Variants in CD46 observed in about 807,000 individuals in gnomAD.
CD46 encodes the protein membrane cofactor protein.
CD46 carries 30 observed loss-of-function variants against 53.3 expected under a neutral mutation model. The observed-to-expected ratio is 0.56, with a 90% CI of 0.42 to 0.76. The LOEUF is 0.76. CD46 is among the 30% of genes least tolerant of loss of function. CD46 has a pLI of 0.00. For missense variants in CD46, 409 were observed against 463.0 expected, an observed-to-expected ratio of 0.88 and a Z score of 1.07; for synonymous variants, 142 against 152.0, an observed-to-expected ratio of 0.93 and a Z score of 0.48.
intron 11 of CD46, among the ~76,000 whole-genome samples, chr1:207,788,209 T>G (rs2102701099): frequency 6.6e-6 from 1 of 152,208 alleles, no homozygotes; most frequent in South Asian, 2.1e-4. Context: ...CTTACCTTCT[T>G]TAACTCTTAA....
chr1:207,773,166 A>C (rs184193381), intron 8 of CD46, among the ~76,000 whole-genome samples: 3 of 152,022 alleles, frequency 2.0e-5, no homozygotes, highest in African/African-American at 7.2e-5. Context: ...TTGCTTCTAG[A>C]TTTTCTAGCT....
chr1:207,785,218 A>G (rs1659164171), intron 10 of CD46, 112 bp downstream of exon 10: 1 of 847,730 alleles, frequency 1.2e-6, no homozygotes, highest in Non-Finnish European at 1.9e-6. Context: ...AATTGGTTAA[A>G]CCGATTTAGG....
intron 5 of CD46, among the ~76,000 whole-genome samples, chr1:207,761,734 A>G (rs1222305392): frequency 1.3e-5 from 2 of 151,938 alleles, no homozygotes; most frequent in East Asian, 3.9e-4. Flanking sequence ...AAAAAAATAC[A>G]CACTGGCTTA....
chr1:207,767,096 A>G lies in CD46; in HGVS notation c.757A>G (p.Met253Val). The change falls in exon 6 of 13, where the codon ATG (methionine) becomes GTG (valine). Residue 253 changes from methionine to valine, a missense_variant. By Grantham distance (21) the Met-to-Val change is conservative. Transcript: ENST00000367042. ...GKKFYYKATV[M>V]FECDKGFYLD... ...AAAATTTTACTACAAAGCAACAGTT[A>G]TGTTTGAATGCGATAAGGGTTTTTA... The G allele has an allele frequency of 1.2e-6, 2 of 1,613,744 alleles. No individual in the cohort carries two copies. The highest frequency in any genetic ancestry group is 2.2e-5 in the South Asian group (2 of 91,078).
At chr1:207,773,815 T>C (rs1657784948) in intron 8 of CD46, among the ~76,000 whole-genome samples, 1 of 152,208 alleles carries the variant, frequency 6.6e-6, no homozygotes. Context: ...ATGTGGTCAA[T>C]TTTAGAATAA....
chr1:207,759,079 C>T (rs1655890129), intron 3 of CD46, among the ~76,000 whole-genome samples: 1 of 152,132 alleles, frequency 6.6e-6, no homozygotes, highest in Admixed American at 6.5e-5. Context: ...ACACTCTGTT[C>T]TAAATAATAT....
In CD46 at chr1:207,757,167, A is replaced by C. The variant is rs1047780483; in HGVS notation, c.251A>C (p.His84Pro). 1 of 1,613,834 alleles carries C rather than the reference A, an allele frequency of 6.2e-7. No homozygotes were observed. The highest frequency in any genetic ancestry group is 1.3e-5 in the African/African-American group (1 of 74,928). ...LATHTICDRN[H>P]TWLPVSDDAC... The stretch of plus-strand genomic sequence containing the variant: ...ACCCATACTATTTGTGATCGGAATC[A>C]TACATGGCTACCTGTCTCAGATGAC... Residue 84 changes from histidine (H) to proline (P), a missense_variant, in exon 2 of 13, where the codon CAT becomes CCT. By Grantham distance (77) the His-to-Pro change is moderately conservative (BLOSUM62 -2). Transcript: ENST00000367042.
At chr1:207,754,518 A>C (rs1426835529) in intron 1 of CD46, among the ~76,000 whole-genome samples, 1 of 152,122 alleles carries the variant, frequency 6.6e-6, no homozygotes, top group Non-Finnish European at 1.5e-5. Flanking sequence ...GTCTTGTCGC[A>C]CTTGTGGTTC....
chr1:207,756,397 G>T (rs762602354), intron 1 of CD46, among the ~76,000 whole-genome samples: 10 of 152,168 alleles, frequency 6.6e-5, no homozygotes, highest in Non-Finnish European at 1.0e-4. Flanking sequence ...CCTTTTGTTT[G>T]ACTTAGCACA....
chr1:207,773,868 G>A (rs2102630018), intron 8 of CD46, among the ~76,000 whole-genome samples: 1 of 152,246 alleles, frequency 6.6e-6, no homozygotes, highest in Middle Eastern at 3.4e-3. Context: ...TATTCATTTG[G>A]GGTGTAGAGT....
rs754530165 is a variant in CD46, at chr1:207,790,346, G to T, written c.*41+1G>T. ...AAAGGTTTGCTTTTATCATTAAAAG[G>T]TATCTGTTTTCTGTTGTTTATTTTC... On this transcript the variant is annotated splice_donor_variant, in intron 12 of 12. Transcript: ENST00000367042. LOFTEE classifies it low-confidence loss of function (3UTR_SPLICE). The T allele has an allele frequency of 1.4e-6, 2 of 1,463,708 alleles. No individual in the cohort carries two copies. The highest frequency in any genetic ancestry group is 1.9e-6 in the Non-Finnish European group (2 of 1,044,212). 90.7% of individuals were successfully genotyped at this position (1,463,708 alleles called of 1,614,324 possible). A position where few individuals can be genotyped will look rare whatever the true frequency, so the allele number is the denominator to read the frequency against.
intron 8 of CD46, among the ~76,000 whole-genome samples, chr1:207,779,411 T>TA (rs1250407611): frequency 1.3e-5 from 2 of 152,190 alleles, no homozygotes; most frequent in Admixed American, 1.3e-4. Context: ...TTTTTCCACT[T>TA]ACACTCTTAG....
At position 207,759,733 on chromosome 1, in the gene CD46, A is replaced by AT. The variant is rs1558047870; in HGVS notation, c.475+11dup. 6.4e-7 allele frequency: 1 copy of AT among 1,571,852 alleles called. No individual in the cohort carries two copies. Among genetic ancestry groups the AT allele is most frequent in the African/African-American group, 1.3e-5 (1 of 74,102 alleles). ...GCCCCCAATATGTGAAAGTAAGTAA[A>AT]TTCTTTTTTTTTAAATTTAGACCAG... On this transcript the variant is annotated intron_variant, in intron 4 of 12. Coordinates refer to ENST00000367042, the MANE Select transcript of CD46 (RefSeq NM_172351.3).
chr1:207,780,623 T>G (rs1278235382), intron 8 of CD46, among the ~76,000 whole-genome samples: 2 of 152,138 alleles, frequency 1.3e-5, no homozygotes, highest in Non-Finnish European at 2.9e-5. Context: ...TTTGAGGAAC[T>G]GGCATACTGT....
At chr1:207,782,820 G>GT (rs35223061) in intron 8 of CD46, among the ~76,000 whole-genome samples, 51,900 of 133,752 alleles carry the variant, frequency 0.39, 10,243 homozygotes, top group Middle Eastern at 0.49. Flanking sequence ...GCTAATTTTT[G>GT]TTTTTTTTTT....
chr1:207,760,453 T>A (rs1308424450), intron 4 of CD46: 1 of 152,218 alleles, frequency 6.6e-6, no homozygotes, highest in Admixed American at 6.5e-5. Flanking sequence ...GAATCACCAA[T>A]TTAGAAAATG....
chr1:207,767,508 T>A lies in CD46; in HGVS notation c.857-271T>A, dbSNP rs11118555. 113,027 of 1,048,048 alleles carry A rather than the reference T, an allele frequency of 0.11. 6,837 individuals are homozygous for A. The highest frequency in any genetic ancestry group is 0.17 in the Admixed American group (9,563 of 57,616). The allele number at this position is 1,048,048 out of a possible 1,614,324, so 64.9% of individuals were successfully genotyped here. ...ACTTTTTGGAATTGAAACATGGGCATTTTTATCTAAGTAAGTCAACAATGG... is the reference window on the plus strand; with the variant it reads ...ACTTTTTGGAATTGAAACATGGGCAATTTTATCTAAGTAAGTCAACAATGG... On this transcript the variant is annotated intron_variant, in intron 6 of 12. Transcript: ENST00000367042.
At chr1:207,753,126 T>C (rs1053609935) in intron 1 of CD46, among the ~76,000 whole-genome samples, 4 of 152,144 alleles carry the variant, frequency 2.6e-5, no homozygotes, top group African/African-American at 4.8e-5. Context: ...CCAATATAGA[T>C]AGTATCTGAT....
At position 207,761,431 on chromosome 1, in the gene CD46, G is replaced by A. The variant is rs780526380; in HGVS notation, c.658G>A (p.Ala220Thr). 4.3e-6 allele frequency: 7 copies of A among 1,613,352 alleles called. No individual in the cohort carries two copies. Among genetic ancestry groups the A allele is most frequent in the Non-Finnish European group, 5.9e-6 (7 of 1,179,310 alleles). Residue 220 changes from alanine to threonine, a missense_variant, in exon 5 of 13, where the codon GCT becomes ACT. Ala to Thr is a moderately conservative substitution (Grantham distance 58). Coordinates refer to ENST00000367042, the MANE Select transcript of CD46 (RefSeq NM_172351.3). ...CGDNSVWSRA[A>T]PECKVVKCRF... ...TGACAATTCAGTGTGGAGTCGTGCT[G>A]CTCCAGAGTGTAAAGGTAGTGTTTC... is the stretch of plus-strand genomic sequence containing the variant.
Sources: gnomAD v4.1 joint callset for allele counts (sites outside exome capture counted in the v4.1 genomes callset) on GRCh38, gnomAD v4.1.1 for gene constraint, MANE v1.5 for transcripts, NCBI Gene and HGNC (gene_info 2026-07-23, HGNC 2026-07-21) for gene names.